ZFYVE28: variants seen among roughly 807,000 people sequenced by gnomAD.
ZFYVE28 encodes lateral signaling target protein 2 homolog.
ZFYVE28 carries 40 observed loss-of-function variants against 82.1 expected under a neutral mutation model. The ratio of observed to expected loss-of-function variants is 0.49; its 90% CI spans 0.38 to 0.63. The LOEUF is 0.63. Ranked by LOEUF, ZFYVE28 falls within the 30% of genes least tolerant of loss-of-function variation. The probability of loss-of-function intolerance (pLI) is 0.00; values close to 1 mark genes in which losing one functional copy is unlikely to be tolerated. For missense variants in ZFYVE28, 1,321 were observed against 1,242.1 expected (o/e 1.06, Z -0.96); for synonymous variants, 612 against 546.1 (o/e 1.12, Z -1.68).
intron 8 of ZFYVE28, among the ~76,000 whole-genome samples, chr4:2,277,411 C>T (rs528368311): frequency 1.4e-4 from 21 of 152,134 alleles, no homozygotes; most frequent in African/African-American, 3.6e-4. Flanking sequence ...ACCCGGGAGG[C>T]GGAGGTTGCA....
At chr4:2,357,319 C>T (rs1013989035) in intron 1 of ZFYVE28, among the ~76,000 whole-genome samples, 5 of 152,172 alleles carry the variant, frequency 3.3e-5, no homozygotes, top group African/African-American at 1.2e-4. Context: ...TGCCAATGCC[C>T]CTCCTCGCTC....
chr4:2,355,250 ATATATATATATATATATATAT>A lies in ZFYVE28; in HGVS notation c.40-1198_40-1178del, dbSNP rs1725114756. Among the ~76,000 whole-genome samples, 53 of 20,512 alleles carry A rather than the reference ATATATATATATATATATATAT, an allele frequency of 2.6e-3. 6 individuals carry two copies. The highest frequency in any genetic ancestry group is 0.011 in the Middle Eastern group (1 of 88). 13.5% of individuals were successfully genotyped at this position (20,512 alleles called of 152,430 possible). A position where few individuals can be genotyped will look rare whatever the true frequency, so the allele number is the denominator to read the frequency against. On this transcript the variant is annotated intron_variant, in intron 1 of 12. Transcript: ENST00000290974. ...TATATATATATATATATATATATAT[ATATATATATATATATATATAT>A]AATGATTCTTCTTTTTTTTTTTTTT...
At chr4:2,346,760 G>T (rs1334276649) in intron 2 of ZFYVE28, among the ~76,000 whole-genome samples, 1 of 151,786 alleles carries the variant, frequency 6.6e-6, no homozygotes, top group Non-Finnish European at 1.5e-5. Flanking sequence ...TGGCTAATGA[G>T]CCAACAAAGG....
intron 1 of ZFYVE28, among the ~76,000 whole-genome samples, chr4:2,361,979 C>T (rs1257264593): frequency 1.3e-5 from 2 of 152,054 alleles, no homozygotes; most frequent in African/African-American, 4.8e-5. Flanking sequence ...CCCATGGGCC[C>T]CAACAAGGGA....
intron 9 of ZFYVE28, 95 bp downstream of exon 9, chr4:2,273,967 T>G: frequency 7.1e-7 from 1 of 1,417,170 alleles, no homozygotes; most frequent in South Asian, 1.3e-5. Flanking sequence ...TACAGGAAAG[T>G]GAGGGGGAGG....
chr4:2,389,243 G>T (rs1358951665), intron 1 of ZFYVE28, among the ~76,000 whole-genome samples: 1 of 152,246 alleles, frequency 6.6e-6, no homozygotes, highest in Non-Finnish European at 1.5e-5. Context: ...CAGCCAGGAG[G>T]TGTTCCGGCT....
Position 2,319,508 on chromosome 4 carries a change from G to A in ZFYVE28, c.803+662C>T, listed in dbSNP as rs561996377. Reference sequence around the variant, plus strand: ...CTTCTGGGTCCCCGAAGGAAACCTGGTTGCAGTGATCAGGGGCCGTGGTAG... The same window carrying A: ...CTTCTGGGTCCCCGAAGGAAACCTGATTGCAGTGATCAGGGGCCGTGGTAG... On this transcript the variant is annotated intron_variant, in intron 7 of 12. Transcript: ENST00000290974. Among the ~76,000 whole-genome samples, 8 of 152,280 alleles carry A rather than the reference G, an allele frequency of 5.3e-5. No individual in the cohort carries two copies. In the South Asian group the frequency reaches 1.7e-3, roughly 32 times the overall value.
chr4:2,282,611 T>C (rs1026005674), intron 8 of ZFYVE28, among the ~76,000 whole-genome samples: 11 of 152,196 alleles, frequency 7.2e-5, no homozygotes, highest in African/African-American at 2.4e-4. Flanking sequence ...AAAGCCCAAA[T>C]GAATCTGATG....
intron 1 of ZFYVE28, among the ~76,000 whole-genome samples, chr4:2,411,676 A>C (rs1732534249): frequency 6.6e-6 from 1 of 152,204 alleles, no homozygotes; most frequent in Non-Finnish European, 1.5e-5. Flanking sequence ...AGGTTCGAGC[A>C]AGGTGACTTG....
At position 2,406,062 on chromosome 4, in the gene ZFYVE28, A is replaced by AAAAAGAAAGAAAG. The variant is rs1553867781; in HGVS notation, c.39+12222_39+12223insCTTTCTTTCTTTT. On this transcript the variant is annotated intron_variant, in intron 1 of 12. Transcript: ENST00000290974. ...GATTCTGTCTCAAAAAAAAAAAAAA[A>AAAAAGAAAGAAAG]AAAGAAAGAAAGAAAGGAAAGAAAA... Among the ~76,000 whole-genome samples, 545 of 125,018 alleles carry AAAAAGAAAGAAAG rather than the reference A, an allele frequency of 4.4e-3. 5 individuals are homozygous for AAAAAGAAAGAAAG. The highest frequency in any genetic ancestry group is 0.017 in the African/African-American group (524 of 30,388). 82.0% of individuals were successfully genotyped at this position (125,018 alleles called of 152,430 possible). A position where few individuals can be genotyped will look rare whatever the true frequency, so the allele number is the denominator to read the frequency against.
chr4:2,361,899 G>T (rs1726215203), intron 1 of ZFYVE28, among the ~76,000 whole-genome samples: 1 of 152,162 alleles, frequency 6.6e-6, no homozygotes, highest in Non-Finnish European at 1.5e-5. Context: ...CAGGGAGGAT[G>T]GGAGCAGGCA....
chr4:2,393,940 G>A (rs1248781286), intron 1 of ZFYVE28, among the ~76,000 whole-genome samples: 2 of 152,220 alleles, frequency 1.3e-5, no homozygotes, highest in African/African-American at 4.8e-5. Context: ...ATTCCAGCCT[G>A]GGTCTCTCTG....
intron 1 of ZFYVE28, among the ~76,000 whole-genome samples, chr4:2,398,573 C>T (rs1471857972): frequency 2.6e-5 from 4 of 151,818 alleles, no homozygotes; most frequent in Non-Finnish European, 5.9e-5. Context: ...CAAGGTGTGG[C>T]GAGATCCAGG....
intron 11 of ZFYVE28, 59 bp downstream of exon 11, chr4:2,271,616 G>T: frequency 6.4e-7 from 1 of 1,560,232 alleles, no homozygotes; most frequent in Non-Finnish European, 8.8e-7. Context: ...GGCTCCTGTG[G>T]CTCCCACAGC....
chr4:2,355,748 T>TA (rs1484289048), intron 1 of ZFYVE28, among the ~76,000 whole-genome samples: 9 of 152,298 alleles, frequency 5.9e-5, no homozygotes, highest in Non-Finnish European at 5.9e-5. Context: ...CAGCTAATTT[T>TA]AAATTTTTTC....
chr4:2,413,835 A>G (rs1478389385), intron 1 of ZFYVE28, among the ~76,000 whole-genome samples: 5 of 151,754 alleles, frequency 3.3e-5, no homozygotes, highest in Non-Finnish European at 5.9e-5. Flanking sequence ...CATGCCAGTG[A>G]CTGCCCTCTC....
chr4:2,405,186 C>T (rs1324342064), intron 1 of ZFYVE28, among the ~76,000 whole-genome samples: 4 of 152,154 alleles, frequency 2.6e-5, no homozygotes, highest in Non-Finnish European at 5.9e-5. Context: ...CCGGACAAAG[C>T]GGTGCTGGGC....
At chr4:2,369,265 G>A (rs1727234955) in intron 1 of ZFYVE28, among the ~76,000 whole-genome samples, 1 of 152,222 alleles carries the variant, frequency 6.6e-6, no homozygotes, top group African/African-American at 2.4e-5. Context: ...TCTAGGCCAG[G>A]CTGTTCCATC....
chr4:2,330,455 G>C (rs1720492174), intron 6 of ZFYVE28: 4 of 1,072,568 alleles, frequency 3.7e-6, no homozygotes, highest in Admixed American at 4.8e-5. Flanking sequence ...GCACGGAGGA[G>C]GGAACATCAT....
Sources: gnomAD v4.1 joint callset for allele counts (sites outside exome capture counted in the v4.1 genomes callset) on GRCh38, gnomAD v4.1.1 for gene constraint, MANE v1.5 for transcripts, NCBI Gene and HGNC (gene_info 2026-07-23, HGNC 2026-07-21) for gene names.